The following RBM20 variants were observed in gnomAD, a reference collection of about 807,000 sequenced individuals.
RBM20 encodes the protein RNA-binding protein 20.
In RBM20, 51 loss-of-function variants were observed where a neutral mutation model predicts 110.1. The observed-to-expected ratio is 0.46, with a 90% confidence interval of 0.37 to 0.59. The LOEUF (loss-of-function observed/expected upper bound fraction) is 0.59. RBM20 is among the 20% of genes least tolerant of loss of function. The pLI is 0.00. For missense variants in RBM20, 1,512 were observed against 1,574.9 expected, an observed-to-expected ratio of 0.96 and a Z score of 0.68; for synonymous variants, 589 against 618.2, an observed-to-expected ratio of 0.95 and a Z score of 0.70.
At chr10:110,673,645 G>A (rs929774129) in intron 1 of RBM20, among the ~76,000 whole-genome samples, 3 of 152,224 alleles carry the variant, frequency 2.0e-5, no homozygotes, top group African/African-American at 7.2e-5. Flanking sequence ...GGCCACAGGC[G>A]AGGAGAGCTT....
intron 1 of RBM20, among the ~76,000 whole-genome samples, chr10:110,733,641 T>G (rs1843641150): frequency 6.6e-6 from 1 of 152,258 alleles, no homozygotes; most frequent in South Asian, 2.1e-4. Context: ...CTGGCATTTT[T>G]GTTTAGCTGG....
chr10:110,644,582 AGCCGCC>A lies in RBM20; in HGVS notation c.138_143del (p.Pro47_Pro48del). 6.6e-7 allele frequency: 1 copy of A among 1,523,756 alleles called. No homozygotes were observed. 94.4% of individuals were successfully genotyped at this position (1,523,756 alleles called of 1,614,324 possible). The stretch of plus-strand genomic sequence containing the variant: ...CCCTCCGGCCCGCGAGGGATGCAGC[AGCCGCC>A]GCCGCCGCCCCAGCCACCGCCCCCG... On this transcript the variant is annotated inframe_deletion, in exon 1 of 14. Coordinates refer to ENST00000369519, the MANE Select transcript of RBM20 (RefSeq NM_001134363.3). This position sits in a 1 kb window ranked among gnomAD's most constrained non-coding sequence, Gnocchi z 4.3.
intron 1 of RBM20, among the ~76,000 whole-genome samples, chr10:110,715,651 AT>A (rs1168685107): frequency 9.9e-5 from 15 of 152,218 alleles, no homozygotes; most frequent in African/African-American, 2.4e-4. Context: ...TTGGGTGAAT[AT>A]TGAGGGGCTG....
chr10:110,786,230 T>C (rs537214546), intron 5 of RBM20, among the ~76,000 whole-genome samples: 15 of 152,362 alleles, frequency 9.8e-5, no homozygotes, highest in Non-Finnish European at 1.9e-4. Context: ...GGAGGGCACC[T>C]GTTTGTGTGC....
chr10:110,709,851 G>A (rs1324058550), intron 1 of RBM20, among the ~76,000 whole-genome samples: 1 of 152,256 alleles, frequency 6.6e-6, no homozygotes, highest in African/African-American at 2.4e-5. Flanking sequence ...TTACAGGCAT[G>A]AGCAGTGGTG....
intron 12 of RBM20, among the ~76,000 whole-genome samples, chr10:110,829,392 G>A (rs1202978852): frequency 6.6e-6 from 1 of 152,154 alleles, no homozygotes; most frequent in East Asian, 1.9e-4. Flanking sequence ...CTCCCTCCGG[G>A]CACCTGGGCC....
chr10:110,757,828 G>A (rs1306781776), intron 1 of RBM20, among the ~76,000 whole-genome samples: 7 of 152,034 alleles, frequency 4.6e-5, no homozygotes, highest in Non-Finnish European at 1.0e-4. Context: ...CCCATGCTTA[G>A]ACATTATGGT....
rs1844779098 is a variant in RBM20, at chr10:110,812,341, C to A, written c.1944C>A (p.His648Gln). Reference protein sequence around the residue: ...PVSRSLSPRSHTPSFTSCSSS... With the variant: ...PVSRSLSPRSQTPSFTSCSSS... Reference sequence around the variant, plus strand: ...GCCGGTCACTCTCCCCGAGGTCCCACACTCCCAGCTTCACCTCCTGCAGCT... The same window carrying A: ...GCCGGTCACTCTCCCCGAGGTCCCAAACTCCCAGCTTCACCTCCTGCAGCT... The change falls in exon 9 of 14, where the codon CAC becomes CAA. Residue 648 changes from histidine to glutamine, a missense_variant. By Grantham distance (24) the His-to-Gln change is conservative (BLOSUM62 0). Around this residue, in one of 3 missense-constraint regions of RBM20, gnomAD observed 1,149 missense variants for 1,169.4 expected, o/e 0.98. Coordinates refer to ENST00000369519, the MANE Select transcript of RBM20 (RefSeq NM_001134363.3). 1.9e-6 allele frequency: 3 copies of A among 1,551,600 alleles called. No homozygotes were observed. Among genetic ancestry groups the A allele is most frequent in the Non-Finnish European group, 1.7e-6 (2 of 1,147,002 alleles).
intron 13 of RBM20, among the ~76,000 whole-genome samples, chr10:110,833,330 A>C (rs1845079939): frequency 6.9e-6 from 1 of 145,972 alleles, no homozygotes; most frequent in South Asian, 2.2e-4. Context: ...TGGAGCTTGC[A>C]GTGAGCCGAG....
At chr10:110,810,193 G>T (rs1056174121) in intron 7 of RBM20, among the ~76,000 whole-genome samples, 190 bp from the exon 8 acceptor site, 7 of 152,112 alleles carry the variant, frequency 4.6e-5, no homozygotes, top group Admixed American at 2.0e-4. Flanking sequence ...TGTTCTCTGG[G>T]CCACACAGCC....
Position 110,783,405 on chromosome 10 carries a change from A to G in RBM20, c.1315A>G (p.Lys439Glu). ...TGTGAAAGGGAAGCTGCACGCTCAG[A>G]AATGCCTGGTCTTCTCTGAAAAGTA... ...LHVKGKLHAQKCLVFSENAGI... is the reference protein window; with the variant it reads ...LHVKGKLHAQECLVFSENAGI... The change falls in exon 3 of 14, where the codon AAA (lysine) becomes GAA (glutamate). Residue 439 changes from lysine to glutamate, a missense_variant. Lys to Glu is a moderately conservative substitution (Grantham distance 56). This residue lies in a region of RBM20 where 1,149 missense variants were observed against 1,169.4 expected (regional missense o/e 0.98). Coordinates refer to ENST00000369519, the MANE Select transcript of RBM20 (RefSeq NM_001134363.3). The G allele has an allele frequency of 6.4e-7, 1 of 1,551,522 alleles. No individual in the cohort carries two copies. The highest frequency in any genetic ancestry group is 8.7e-7 in the Non-Finnish European group (1 of 1,146,814).
intron 5 of RBM20, among the ~76,000 whole-genome samples, chr10:110,789,995 GTTTA>G (rs1262974862): frequency 2.6e-5 from 4 of 152,340 alleles, no homozygotes; most frequent in Non-Finnish European, 5.9e-5. Context: ...CCATCTTGGA[GTTTA>G]TTTAGTGCCA....
intron 1 of RBM20, among the ~76,000 whole-genome samples, chr10:110,755,731 C>T (rs954147806): frequency 6.6e-6 from 1 of 152,184 alleles, no homozygotes; most frequent in African/African-American, 2.4e-5. Flanking sequence ...TTACTGGTTG[C>T]ACATTAACAC....
intron 1 of RBM20, among the ~76,000 whole-genome samples, chr10:110,649,092 C>G (rs531348648): frequency 2.3e-4 from 35 of 152,258 alleles, no homozygotes; most frequent in African/African-American, 7.9e-4. Flanking sequence ...AAGCCCAAAT[C>G]TGTCCATTGG....
chr10:110,673,210 CT>C (rs564483915), intron 1 of RBM20, among the ~76,000 whole-genome samples: 22 of 150,216 alleles, frequency 1.5e-4, no homozygotes, highest in African/African-American at 4.6e-4. Flanking sequence ...TTTCTTTTTT[CT>C]TTTTTTTTCC....
chr10:110,646,767 T>G (rs1001607872), intron 1 of RBM20, among the ~76,000 whole-genome samples: 1 of 152,224 alleles, frequency 6.6e-6, no homozygotes, highest in African/African-American at 2.4e-5. Flanking sequence ...GCAAACATTT[T>G]TATGGAGTTA....
intron 1 of RBM20, among the ~76,000 whole-genome samples, chr10:110,727,399 C>CAAAAATAAAAATAAAAAAAAAAAAT (rs1554893376): frequency 4.8e-5 from 4 of 83,240 alleles, no homozygotes; most frequent in African/African-American, 8.9e-5. Flanking sequence ...AAGTCCGTCT[C>CAAAAATAAAAATAAAAAAAAAAAAT]AAAAAATAAA....
At position 110,816,129 on chromosome 10, in the gene RBM20, T is replaced by G. The variant is rs1363990296; in HGVS notation, c.2550+3182T>G. On this transcript the variant is annotated intron_variant, in intron 9 of 13. Transcript: ENST00000369519. The stretch of plus-strand genomic sequence containing the variant: ...CCAGGCACCTCCTGCCCTCAGCGCC[T>G]TTACAGGTGTTGCTGCTGCCGAGGA... Among the ~76,000 whole-genome samples, 2 of 152,098 alleles carry G rather than the reference T, an allele frequency of 1.3e-5. 1 individual carries two copies. Among genetic ancestry groups the G allele is most frequent in the Non-Finnish European group, 2.9e-5 (2 of 68,014 alleles).
At chr10:110,727,422 A>AT (rs1554893411) in intron 1 of RBM20, among the ~76,000 whole-genome samples, 1 of 145,466 alleles carries the variant, frequency 6.9e-6, no homozygotes, top group African/African-American at 2.6e-5. Flanking sequence ...TAAAAAAAAA[A>AT]TAAATAAAAA....
Sources: gnomAD v4.1 joint callset for allele counts (sites outside exome capture counted in the v4.1 genomes callset) on GRCh38, gnomAD v4.1.1 for gene constraint, gnomAD v4.1.1 regional missense constraint, Gnocchi (gnomAD v3.1) non-coding constraint, MANE v1.5 for transcripts, NCBI Gene and HGNC (gene_info 2026-07-23, HGNC 2026-07-21) for gene names.